TCF20: variants seen among roughly 807,000 people sequenced by gnomAD.
TCF20 encodes SPRE-binding protein.
In TCF20, 3 loss-of-function variants were observed where a neutral mutation model predicts 148.6. The observed-to-expected ratio is 0.02, with a 90% CI of 0.01 to 0.05. TCF20 has a LOEUF of 0.05. Among genes scored for constraint, TCF20 ranks in the 10% least tolerant of loss-of-function variants. The pLI is 1.00. For missense variants in TCF20, 2,350 were observed against 2,429.3 expected (o/e 0.97, Z 0.69); for synonymous variants, 1,049 against 909.5 (o/e 1.15, Z -2.76).
chr22:42,248,893 A>G (rs1242076372), intron 1 of TCF20, among the ~76,000 whole-genome samples: 2 of 152,192 alleles, frequency 1.3e-5, no homozygotes, highest in Non-Finnish European at 2.9e-5. Flanking sequence ...TGTGGACTTA[A>G]TTTTAGCTAT....
At chr22:42,328,813 G>A (rs1044512216) in intron 1 of TCF20, among the ~76,000 whole-genome samples, 4 of 152,214 alleles carry the variant, frequency 2.6e-5, no homozygotes, top group African/African-American at 7.2e-5. Context: ...AGACGGGGGG[G>A]AAAGCCCCCA....
intron 1 of TCF20, among the ~76,000 whole-genome samples, chr22:42,218,330 A>C (rs995687689): frequency 4.6e-5 from 7 of 152,130 alleles, no homozygotes; most frequent in Non-Finnish European, 8.8e-5. Flanking sequence ...ACCCACAATA[A>C]ATCTGTCCCT....
intron 1 of TCF20, among the ~76,000 whole-genome samples, chr22:42,238,918 C>A (rs1329991161): frequency 6.8e-6 from 1 of 147,352 alleles, no homozygotes; most frequent in Non-Finnish European, 1.5e-5. Flanking sequence ...GAGATTGAGA[C>A]CAACCTGGCT....
upstream of TCF20, among the ~76,000 whole-genome samples, chr22:42,272,862 G>A (rs969300838): frequency 5.9e-5 from 9 of 152,298 alleles, no homozygotes; most frequent in African/African-American, 1.4e-4. Context: ...ATAAAATGGA[G>A]ATAATATTAT....
chr22:42,280,394 C>T (rs1340370464), intron 1 of TCF20, among the ~76,000 whole-genome samples: 8 of 152,232 alleles, frequency 5.3e-5, no homozygotes, highest in African/African-American at 1.9e-4. Flanking sequence ...TTTGTGGTCT[C>T]CATGCCTCAC....
chr22:42,213,295 T>C lies in TCF20; in HGVS notation c.2011A>G (p.Asn671Asp), dbSNP rs1027422376. 6.8e-6 allele frequency: 11 copies of C among 1,614,088 alleles called. No individual in the cohort carries two copies. Among genetic ancestry groups the C allele is most frequent in the Non-Finnish European group, 9.3e-6 (11 of 1,180,048 alleles). ...GGSKGNKNGD[N>D]NSNHNGEGNG... ...CCTTCTCCATTATGGTTGGAGTTGT[T>C]ATCGCCATTCTTGTTTCCTTTGCTC... Residue 671 changes from asparagine (N) to aspartate (D), a missense_variant, in exon 2 of 6, where the codon AAC (asparagine) becomes GAC (aspartate). By Grantham distance (23) the Asn-to-Asp change is conservative (BLOSUM62 1). Coordinates refer to ENST00000677622, the MANE Select transcript of TCF20 (RefSeq NM_001378418.1).
rs779716216 is a variant in TCF20, at chr22:42,212,340, C to T, written c.2966G>A (p.Arg989Gln). The T allele has an allele frequency of 3.7e-6, 6 of 1,614,220 alleles. No homozygotes were observed. Among genetic ancestry groups the T allele is most frequent in the East Asian group, 4.5e-5 (2 of 44,882 alleles). The part of the protein sequence containing the change: ...GPQDSRPTPM[R>Q]RVPGRVGGRE... ...ACCACCAACTCTGCCAGGGACCCGC[C>T]GCATTGGCGTGGGTCTGCTGTCTTG... The change falls in exon 2 of 6, where the codon CGG becomes CAG. Residue 989 changes from arginine (R) to glutamine (Q), a missense_variant. Arg to Gln is a conservative substitution (Grantham distance 43). Transcript: ENST00000677622.
chr22:42,204,171 T>C (rs755922761), intron 2 of TCF20, among the ~76,000 whole-genome samples: 1 of 152,208 alleles, frequency 6.6e-6, no homozygotes. Flanking sequence ...AGTAAATAAT[T>C]ATCCATTATT....
At position 42,328,960 on chromosome 22, in the gene TCF20, A is replaced by G. The variant is rs558178037; in HGVS notation, c.-37+14519T>C. The stretch of plus-strand genomic sequence containing the variant: ...GTGGGAAGCCTGAAACGCCTGAACC[A>G]CATGACCCCAGGCCCAGGCCGGCTG... On this transcript the variant is annotated intron_variant, in intron 1 of 1. Coordinates refer to the TCF20 transcript ENST00000515426. Among the ~76,000 whole-genome samples, 3 of 152,290 alleles carry G rather than the reference A, an allele frequency of 2.0e-5. No homozygotes were observed. The East Asian group carries it at 5.8e-4, about 29-fold the overall frequency.
In TCF20 at chr22:42,160,692, ATT is replaced by A. The variant is rs1397712845; in HGVS notation, c.*709_*710del. ...TGTTTCTGGAAATGAAAAAAAATTT[ATT>A]TTTGTGTTTAAACATCATTCCCCTA... is the stretch of plus-strand genomic sequence containing the variant. On this transcript the variant is annotated 3_prime_UTR_variant, in exon 6 of 6. Transcript: ENST00000677622. 1 of 152,484 alleles carries A rather than the reference ATT, an allele frequency of 6.6e-6. No homozygotes were observed. The highest frequency in any genetic ancestry group is 6.5e-5 in the Admixed American group (1 of 15,270). 9.4% of individuals were successfully genotyped at this position (152,484 alleles called of 1,614,324 possible).
At chr22:42,260,785 A>G (rs1241159024) in intron 1 of TCF20, among the ~76,000 whole-genome samples, 1 of 152,160 alleles carries the variant, frequency 6.6e-6, no homozygotes, top group African/African-American at 2.4e-5. Flanking sequence ...CGACTGGCCC[A>G]AACTTATGTT....
At chr22:42,168,864 C>CA in intron 4 of TCF20, 128 bp from the exon 5 acceptor site, 2 of 1,256,100 alleles carry the variant, frequency 1.6e-6, no homozygotes, top group Non-Finnish European at 2.1e-6. Context: ...TCCTGACCGA[C>CA]AAACAGGAGA....
chr22:42,160,136 G>A lies in TCF20; in HGVS notation c.*1267C>T, dbSNP rs1280872768. ...CATGGCAGAGTGACCCCTGAAAGAT[G>A]CACTAACCCCTTCTTAAGGCCATAA... On this transcript the variant is annotated 3_prime_UTR_variant, in exon 6 of 6. Coordinates refer to ENST00000677622, the MANE Select transcript of TCF20 (RefSeq NM_001378418.1). 6.6e-6 allele frequency: 1 copy of A among 152,404 alleles called. No individual in the cohort carries two copies. Among genetic ancestry groups the A allele is most frequent in the African/African-American group, 2.4e-5 (1 of 41,352 alleles). 9.4% of individuals were successfully genotyped at this position (152,404 alleles called of 1,614,324 possible).
chr22:42,286,410 T>C (rs1385883180), upstream of TCF20, among the ~76,000 whole-genome samples: 1 of 152,246 alleles, frequency 6.6e-6, no homozygotes, highest in East Asian at 1.9e-4. Context: ...TTCCTTCCTG[T>C]GTGACTGTGT....
intron 3 of TCF20, among the ~76,000 whole-genome samples, chr22:42,174,289 A>G (rs1385428246): frequency 1.3e-5 from 2 of 152,216 alleles, no homozygotes; most frequent in Non-Finnish European, 2.9e-5. Context: ...TGGTTACCAC[A>G]TTGGAGAGTG....
In TCF20 at chr22:42,338,587, C is replaced by T. The variant is rs1324739136; in HGVS notation, c.-37+4892G>A. Among the ~76,000 whole-genome samples, 1 of 152,218 alleles carries T rather than the reference C, an allele frequency of 6.6e-6. No individual in the cohort carries two copies. The highest frequency in any genetic ancestry group is 1.5e-5 in the Non-Finnish European group (1 of 68,038). The stretch of plus-strand genomic sequence containing the variant: ...GGGAGGCGGGGAGGCTGGCGAGAGG[C>T]TTAATGAAACTGCTAACGCGTTAGT... On this transcript the variant is annotated intron_variant, in intron 1 of 1. Transcript: ENST00000515426. The surrounding 1 kb of genome is among the most constrained non-coding windows in gnomAD (Gnocchi z 4.0).
chr22:42,270,827 G>T (rs1389528989), upstream of TCF20, among the ~76,000 whole-genome samples: 2 of 148,668 alleles, frequency 1.3e-5, no homozygotes, highest in Non-Finnish European at 3.0e-5. Context: ...CGCGCGCCGG[G>T]TAGGGATCGC....
At chr22:42,293,531 C>T (rs1927170868) in intron 1 of TCF20, among the ~76,000 whole-genome samples, 2 of 152,196 alleles carry the variant, frequency 1.3e-5, no homozygotes, top group Non-Finnish European at 2.9e-5. Flanking sequence ...CAGCCAAGGT[C>T]ACAGAGCTCC....
At chr22:42,303,948 G>C (rs1310213578) in intron 1 of TCF20, among the ~76,000 whole-genome samples, 1 of 152,002 alleles carries the variant, frequency 6.6e-6, no homozygotes, top group Non-Finnish European at 1.5e-5. Context: ...GCAGGAGAAA[G>C]AGTGAAGAGG....
Sources: allele counts gnomAD v4.1 joint callset (sites outside exome capture counted in the v4.1 genomes callset), GRCh38; gene constraint gnomAD v4.1.1; non-coding constraint Gnocchi (gnomAD v3.1); transcripts MANE v1.5; gene names NCBI Gene and HGNC (gene_info 2026-07-23, HGNC 2026-07-21).